Variants in SLC2A9 observed in about 807,000 individuals in gnomAD.
SLC2A9 encodes solute carrier family 2 member 9, also known as solute carrier family 2, facilitated glucose transporter member 9.
A neutral mutation model predicts 50.6 loss-of-function variants in SLC2A9; 39 were observed. That is an observed-to-expected ratio of 0.77 (90% CI 0.60 to 1.01). The LOEUF (loss-of-function observed/expected upper bound fraction) is 1.01, where lower values mean the gene tolerates loss of function less well. Ranked by LOEUF, SLC2A9 falls within the 50% of genes least tolerant of loss-of-function variation. The pLI is 0.00. For missense variants in SLC2A9, 686 were observed against 677.6 expected (o/e 1.01, Z -0.14); for synonymous variants, 324 against 276.9 (o/e 1.17, Z -1.69).
chr4:9,905,969 C>A (rs1461372834), intron 8 of SLC2A9, among the ~76,000 whole-genome samples: 1 of 152,134 alleles, frequency 6.6e-6, no homozygotes, highest in African/African-American at 2.4e-5. Context: ...ATAGCAAGAC[C>A]CCCTGTAAAA....
chr4:9,821,953 C>T (rs182787626), downstream of SLC2A9, among the ~76,000 whole-genome samples: 5 of 152,252 alleles, frequency 3.3e-5, no homozygotes, highest in East Asian at 7.7e-4. Flanking sequence ...TCTTGAGTGA[C>T]TTTTGATAGT....
chr4:10,003,637 C>A (rs1260959983), intron 2 of SLC2A9, among the ~76,000 whole-genome samples: 2 of 152,186 alleles, frequency 1.3e-5, no homozygotes, highest in Non-Finnish European at 2.9e-5. Context: ...AGGTGAAAGG[C>A]CTTGTTACCA....
At chr4:9,800,161 G>A (rs1577320153) in intron 3 of SLC2A9, among the ~76,000 whole-genome samples, 1 of 152,192 alleles carries the variant, frequency 6.6e-6, no homozygotes, top group East Asian at 1.9e-4. Context: ...GCCAAGCTCA[G>A]TTACTGGCTA....
At chr4:9,979,812 C>T (rs1755400940) in intron 5 of SLC2A9, among the ~76,000 whole-genome samples, 1 of 152,144 alleles carries the variant, frequency 6.6e-6, no homozygotes, top group Admixed American at 6.5e-5. Context: ...CCTCCCCATG[C>T]CTGCTTTCTC....
intron 8 of SLC2A9, 76 bp from the exon 9 acceptor site, chr4:9,890,787 C>A: frequency 7.7e-7 from 1 of 1,293,600 alleles, no homozygotes; most frequent in Non-Finnish European, 1.1e-6. Context: ...GCACTGGGAA[C>A]CGGCAATGGC....
At chr4:9,778,766 G>C (rs546335758), downstream of SLC2A9, among the ~76,000 whole-genome samples, 13 of 152,128 alleles carry the variant, frequency 8.5e-5, no homozygotes, top group Admixed American at 3.3e-4. Context: ...AGGAGGTTCA[G>C]AACACTCATG....
intron 3 of SLC2A9, among the ~76,000 whole-genome samples, chr4:9,801,685 G>A (rs1018968418): frequency 5.3e-5 from 8 of 152,216 alleles, no homozygotes; most frequent in Non-Finnish European, 8.8e-5. Context: ...AGGGCATTGA[G>A]ATGAAAAGCC....
At chr4:9,942,704 C>T (rs1197337250) in intron 5 of SLC2A9, among the ~76,000 whole-genome samples, 5 of 152,222 alleles carry the variant, frequency 3.3e-5, no homozygotes, top group Admixed American at 3.3e-4. Context: ...CAGTGACATC[C>T]CCTGCAGTGC....
intron 8 of SLC2A9, among the ~76,000 whole-genome samples, chr4:9,898,621 T>C (rs143277376): frequency 1.6e-3 from 243 of 152,344 alleles, no homozygotes; most frequent in African/African-American, 5.8e-3. Context: ...AGATGCCCCA[T>C]TCTCTGTGTC....
At chr4:9,783,360 C>T in intron 3 of SLC2A9, 1 of 1,614,232 alleles carries the variant, frequency 6.2e-7, no homozygotes, top group Non-Finnish European at 8.5e-7. Context: ...TATCAGACGT[C>T]CCCAGATGGT....
chr4:9,951,276 T>C (rs1013508138), intron 5 of SLC2A9, among the ~76,000 whole-genome samples: 1 of 152,002 alleles, frequency 6.6e-6, no homozygotes, highest in African/African-American at 2.4e-5. Flanking sequence ...CACTTATATG[T>C]GGAAGCTAAA....
At position 9,900,399 on chromosome 4, in the gene SLC2A9, C is replaced by T. The variant is rs373947402; in HGVS notation, c.1113+7836G>A. On this transcript the variant is annotated intron_variant, in intron 8 of 11. Transcript: ENST00000264784. ...AGAGTCAGAGGGTGAGCTGCAGGAA[C>T]GGACTTGTGGGTATGTCCTTGGCCA... Among the ~76,000 whole-genome samples, 79 of 151,598 alleles carry T rather than the reference C, an allele frequency of 5.2e-4. 1 individual carries two copies. The highest frequency in any genetic ancestry group is 1.7e-3 in the African/African-American group (70 of 41,432).
intron 7 of SLC2A9, among the ~76,000 whole-genome samples, chr4:9,913,357 CAG>C (rs1356744863): frequency 3.4e-5 from 4 of 116,872 alleles, no homozygotes; most frequent in Non-Finnish European, 5.5e-5. Context: ...GAGAGAGAGA[CAG>C]AGAGAGAGAG....
At chr4:9,970,368 A>G (rs990817483) in intron 5 of SLC2A9, among the ~76,000 whole-genome samples, 5 of 152,196 alleles carry the variant, frequency 3.3e-5, no homozygotes, top group Non-Finnish European at 7.3e-5. Flanking sequence ...ACTGTGATTC[A>G]CGACATAATC....
At chr4:9,914,181 G>A (rs1460916492) in intron 7 of SLC2A9, among the ~76,000 whole-genome samples, 10 of 152,208 alleles carry the variant, frequency 6.6e-5, no homozygotes. Context: ...TTCCAGAGAT[G>A]CTAGGGGAGG....
intron 10 of SLC2A9, among the ~76,000 whole-genome samples, chr4:9,855,614 A>T (rs1240075761): frequency 2.6e-5 from 4 of 152,164 alleles, no homozygotes; most frequent in Admixed American, 2.0e-4. Context: ...AGAAAAAACT[A>T]TTATAAAATT....
chr4:9,876,199 C>T (rs2109568193), intron 10 of SLC2A9, among the ~76,000 whole-genome samples: 1 of 152,144 alleles, frequency 6.6e-6, no homozygotes, highest in East Asian at 1.9e-4. Flanking sequence ...ATTAGTTTAC[C>T]CCTGAGGTGG....
rs144996132 is a variant in SLC2A9, at chr4:9,921,425, T to G, written c.815-853A>C. ...CATGGGGTGCACTTTTGGACACAGA[T>G]TTCAATGCTCAGTGCTCTGATCTTT... On this transcript the variant is annotated intron_variant, in intron 6 of 11. Coordinates refer to ENST00000264784, the MANE Select transcript of SLC2A9 (RefSeq NM_020041.3). 1.2e-4 allele frequency among the ~76,000 whole-genome samples: 18 copies of G among 152,318 alleles called. No homozygotes were observed. In the East Asian group the frequency reaches 3.5e-3, roughly 29 times the overall value.
intron 2 of SLC2A9, among the ~76,000 whole-genome samples, chr4:10,018,589 T>TAGATAGATAGATAGATAAAC (rs1553915108): frequency 0.032 from 4,883 of 150,646 alleles, 123 homozygotes; most frequent in East Asian, 0.18. Context: ...GATAGATAGA[T>TAGATAGATAGATAGATAAAC]AACAACAACA....
Sources: gnomAD v4.1 joint callset for allele counts (sites outside exome capture counted in the v4.1 genomes callset) on GRCh38, gnomAD v4.1.1 for gene constraint, MANE v1.5 for transcripts, NCBI Gene and HGNC (gene_info 2026-07-23, HGNC 2026-07-21) for gene names.